Variants in MAGI1 observed in about 807,000 individuals in gnomAD.
The protein encoded by MAGI1 is membrane-associated guanylate kinase, WW and PDZ domain-containing protein 1.
In MAGI1, 58 loss-of-function variants were observed where a neutral mutation model predicts 139.9. That is an observed-to-expected ratio of 0.41 (90% confidence interval 0.34 to 0.52). The LOEUF (loss-of-function observed/expected upper bound fraction) is 0.52. MAGI1 is among the 20% of genes least tolerant of loss of function. MAGI1 has a pLI of 0.12. For synonymous variants in MAGI1, 812 were observed against 737.9 expected, an observed-to-expected ratio of 1.10 and a Z score of -1.63; for missense variants, 1,874 against 1,901.6, an observed-to-expected ratio of 0.99 and a Z score of 0.27.
At chr3:65,424,946 C>G (rs1418948707) in intron 12 of MAGI1, among the ~76,000 whole-genome samples, 1 of 151,780 alleles carries the variant, frequency 6.6e-6, no homozygotes, top group Non-Finnish European at 1.5e-5. Context: ...CAAGATGGCA[C>G]ATGCCTGTAG....
chr3:65,978,258 G>C (rs2065365137), intron 1 of MAGI1, among the ~76,000 whole-genome samples: 1 of 152,198 alleles, frequency 6.6e-6, no homozygotes, highest in Non-Finnish European at 1.5e-5. Flanking sequence ...AAAGCACAAA[G>C]AGGTTAAGTA....
At chr3:65,524,834 T>A (rs917448752) in intron 2 of MAGI1, among the ~76,000 whole-genome samples, 108 of 152,292 alleles carry the variant, frequency 7.1e-4, no homozygotes, top group African/African-American at 2.6e-3. Flanking sequence ...AGGTTGGATC[T>A]CATCCACAAG....
chr3:65,909,131 C>T (rs1403112914), intron 1 of MAGI1, among the ~76,000 whole-genome samples: 4 of 152,134 alleles, frequency 2.6e-5, no homozygotes, highest in Admixed American at 2.6e-4. Flanking sequence ...CCTCATGAAG[C>T]TACCCTCAAA....
intron 5 of MAGI1, among the ~76,000 whole-genome samples, chr3:65,460,036 T>C (rs7349542): frequency 0.99 from 151,467 of 152,348 alleles, 75,305 homozygotes; most frequent in Middle Eastern, 1. Flanking sequence ...ATAACGTTGG[T>C]CATTGGTTTT....
chr3:65,530,604 A>T (rs1021937414), intron 2 of MAGI1, among the ~76,000 whole-genome samples: 1 of 147,162 alleles, frequency 6.8e-6, no homozygotes, highest in African/African-American at 2.5e-5. Context: ...ACACAGCAAG[A>T]CACATACGTA....
chr3:66,036,020 T>G (rs1459669847), intron 1 of MAGI1, among the ~76,000 whole-genome samples: 1 of 152,172 alleles, frequency 6.6e-6, no homozygotes, highest in Non-Finnish European at 1.5e-5. Context: ...ATCCCCCTAG[T>G]TGGGCAGGTA....
intron 1 of MAGI1, among the ~76,000 whole-genome samples, chr3:65,936,013 A>G (rs1490705954): frequency 6.6e-6 from 1 of 152,222 alleles, no homozygotes; most frequent in African/African-American, 2.4e-5. Flanking sequence ...AATGATGAGC[A>G]ATAACAAATC....
chr3:65,872,201 T>C (rs1329579324), intron 1 of MAGI1, among the ~76,000 whole-genome samples: 1 of 152,206 alleles, frequency 6.6e-6, no homozygotes, highest in Non-Finnish European at 1.5e-5. Context: ...AGCTGTTACT[T>C]TTAGGCAATG....
intron 1 of MAGI1, among the ~76,000 whole-genome samples, chr3:65,820,491 T>C (rs1328231508): frequency 1.3e-5 from 2 of 152,138 alleles, no homozygotes. Context: ...GAGTACTGCG[T>C]CCACCCTACT....
intron 1 of MAGI1, among the ~76,000 whole-genome samples, chr3:65,997,768 C>T (rs777166590): frequency 6.6e-6 from 1 of 152,066 alleles, no homozygotes; most frequent in African/African-American, 2.4e-5. Flanking sequence ...TCCTCTTTTC[C>T]CTCTCCACAC....
chr3:65,581,246 C>G (rs2081408061), intron 2 of MAGI1, among the ~76,000 whole-genome samples: 1 of 151,990 alleles, frequency 6.6e-6, no homozygotes, highest in Non-Finnish European at 1.5e-5. Context: ...GCACAAAGGA[C>G]TTTTCTGGAA....
chr3:65,905,938 A>G (rs2061417633), intron 1 of MAGI1, among the ~76,000 whole-genome samples: 1 of 152,204 alleles, frequency 6.6e-6, no homozygotes, highest in African/African-American at 2.4e-5. Flanking sequence ...GAGTTCTCCA[A>G]GTGTTTTTAA....
At chr3:65,640,703 T>C (rs1225251153) in intron 1 of MAGI1, among the ~76,000 whole-genome samples, 2 of 152,244 alleles carry the variant, frequency 1.3e-5, no homozygotes, top group African/African-American at 4.8e-5. Context: ...TGAATTCTCT[T>C]AACTTCCTCT....
chr3:65,985,551 T>A (rs9884059), intron 1 of MAGI1, among the ~76,000 whole-genome samples: 3 of 152,216 alleles, frequency 2.0e-5, no homozygotes, highest in Non-Finnish European at 4.4e-5. Context: ...GAATTGAACA[T>A]TTTTGAAATA....
intron 1 of MAGI1, among the ~76,000 whole-genome samples, chr3:65,753,731 G>A (rs1341130431): frequency 6.6e-6 from 1 of 150,538 alleles, no homozygotes; most frequent in Non-Finnish European, 1.5e-5. Flanking sequence ...CTGTACCCAT[G>A]TTATGTAGCT....
intron 1 of MAGI1, among the ~76,000 whole-genome samples, chr3:65,774,486 G>C (rs2038207545): frequency 6.6e-6 from 1 of 152,048 alleles, no homozygotes; most frequent in African/African-American, 2.4e-5. Context: ...TCCTTATTTT[G>C]AATGTCCAGG....
intron 1 of MAGI1, among the ~76,000 whole-genome samples, chr3:65,930,730 A>G: frequency 6.6e-6 from 1 of 152,128 alleles, no homozygotes; most frequent in African/African-American, 2.4e-5. Flanking sequence ...ATGATAACGC[A>G]AGTGACCTCT....
intron 1 of MAGI1, among the ~76,000 whole-genome samples, chr3:66,007,661 C>T (rs1156916091): frequency 6.6e-6 from 1 of 152,158 alleles, no homozygotes; most frequent in African/African-American, 2.4e-5. Context: ...GACCATTTAT[C>T]AAGGGAACTG....
intron 1 of MAGI1, among the ~76,000 whole-genome samples, chr3:65,944,855 TAAAG>T (rs1395182972): frequency 3.3e-5 from 5 of 152,136 alleles, no homozygotes; most frequent in Admixed American, 3.3e-4. Context: ...GGTTAGGTAA[TAAAG>T]AGAGTGTCAA....
Sources: allele counts gnomAD v4.1 joint callset (sites outside exome capture counted in the v4.1 genomes callset), GRCh38; gene constraint gnomAD v4.1.1; transcripts MANE v1.5; gene names NCBI Gene and HGNC (gene_info 2026-07-23, HGNC 2026-07-21).